Variants in INMT observed in about 807,000 individuals in gnomAD.
The protein encoded by INMT is indolethylamine N-methyltransferase, also known as amine N-methyltransferase.
In INMT, 11 loss-of-function variants were observed where a neutral mutation model predicts 11.5. That is an observed-to-expected ratio of 0.95 (90% CI 0.60 to 1.58). INMT has a LOEUF of 1.58. INMT is among the 40% of genes most tolerant of loss of function. INMT has a pLI of 0.00. For missense variants in INMT, 316 were observed against 336.1 expected, an observed-to-expected ratio of 0.94 and a Z score of 0.47; for synonymous variants, 155 against 142.9, an observed-to-expected ratio of 1.08 and a Z score of -0.60.
chr7:30,755,277 A>C, intron 2 of INMT, 145 bp from the exon 3 acceptor site: 1 of 683,710 alleles, frequency 1.5e-6, no homozygotes, highest in Non-Finnish European at 2.4e-6. Context: ...AGATTGAAGA[A>C]GAGCCTGCTG....
In INMT at chr7:30,752,149, C is replaced by T; in HGVS notation, c.-2C>T. The T allele has an allele frequency of 6.2e-7, 1 of 1,613,874 alleles. No individual in the cohort carries two copies. Among genetic ancestry groups the T allele is most frequent in the South Asian group, 1.1e-5 (1 of 91,074 alleles). On this transcript the variant is annotated 5_prime_UTR_variant, in exon 1 of 3. Transcript: ENST00000013222. ...AAGGAGGGGGCACATTTCAGGGACA[C>T]CATGAAGGGTGGCTTCACTGGGGGT...
intron 1 of INMT, among the ~76,000 whole-genome samples, chr7:30,752,800 C>T (rs887941683): frequency 6.6e-6 from 1 of 152,178 alleles, no homozygotes; most frequent in Non-Finnish European, 1.5e-5. Flanking sequence ...GCAAGGGGCT[C>T]AGACCCCAAG....
chr7:30,754,449 T>A lies in INMT; in HGVS notation c.362+511T>A, dbSNP rs958214063. On this transcript the variant is annotated intron_variant, in intron 2 of 2. Coordinates refer to ENST00000013222, the MANE Select transcript of INMT (RefSeq NM_006774.5). The surrounding 1 kb of genome is among the most constrained non-coding windows in gnomAD (Gnocchi z 4.9). ...CGTCCATTCATCCATCCATCAATATTCATCCATCCACCCACCCATCCATTC... is the reference window on the plus strand; with the variant it reads ...CGTCCATTCATCCATCCATCAATATACATCCATCCACCCACCCATCCATTC... 4.7e-5 allele frequency among the ~76,000 whole-genome samples: 7 copies of A among 148,548 alleles called. No individual in the cohort carries two copies. The highest frequency in any genetic ancestry group is 1.8e-4 in the African/African-American group (7 of 39,900).
chr7:30,752,644 C>A (rs966964704), intron 1 of INMT, among the ~76,000 whole-genome samples: 2 of 152,166 alleles, frequency 1.3e-5, no homozygotes, highest in African/African-American at 4.8e-5. Flanking sequence ...GCCTCTGGGG[C>A]CCCCAGAAGG....
rs1284904998 is a variant in INMT, at chr7:30,755,670, A to T, written c.611A>T (p.Tyr204Phe). 1.2e-6 allele frequency: 2 copies of T among 1,614,172 alleles called. No homozygotes were observed. Among genetic ancestry groups the T allele is most frequent in the Non-Finnish European group, 1.7e-6 (2 of 1,180,026 alleles). Residue 204 changes from tyrosine to phenylalanine, a missense_variant, in exon 3 of 3, where the codon TAC becomes TTC. Transcript: ENST00000013222. ...ACTGTCACGCTTCGGCTCCCGTCCT[A>T]CATGGTGGGGAAGCGTGAATTTTCC... ...VTTVTLRLPSYMVGKREFSCV... is the reference protein window; with the variant it reads ...VTTVTLRLPSFMVGKREFSCV...
intron 1 of INMT, 102 bp from the exon 2 acceptor site, chr7:30,753,629 C>T (rs1223805569): frequency 2.8e-5 from 29 of 1,021,882 alleles, no homozygotes; most frequent in Non-Finnish European, 2.1e-5. Flanking sequence ...CCACCAAGCA[C>T]GTTTGCCCCT....
rs1419907202 is a variant in INMT, at chr7:30,753,705, C to G, written c.155-26C>G. 5 of 1,603,048 alleles carry G rather than the reference C, an allele frequency of 3.1e-6. No individual in the cohort carries two copies. In the African/African-American group the frequency reaches 5.4e-5, roughly 17 times the overall value. On this transcript the variant is annotated intron_variant, in intron 1 of 2. Transcript: ENST00000013222. The stretch of plus-strand genomic sequence containing the variant: ...CTTGGGTCTCGTTTCTTTTACCCAT[C>G]CATTACCAGTCTTTCCCTCCCACAG...
rs146202730 is a variant in INMT, at chr7:30,755,528, G to A, written c.469G>A (p.Ala157Thr). Residue 157 changes from alanine to threonine, a missense_variant, in exon 3 of 3, where the codon GCC becomes ACC. Ala to Thr is a moderately conservative substitution (Grantham distance 58, BLOSUM62 0). Coordinates refer to ENST00000013222, the MANE Select transcript of INMT (RefSeq NM_006774.5). ...NPLAPAVLPL[A>T]DCVLTLLAME... ...GCTGGCCCCGGCTGTGTTGCCTCTC[G>A]CCGACTGTGTGCTCACCCTGCTGGC... 249 of 1,610,322 alleles carry A rather than the reference G, an allele frequency of 1.5e-4. No homozygotes were observed. In the African/African-American group the frequency reaches 1.8e-3, roughly 12 times the overall value.
Position 30,756,105 on chromosome 7 carries a change from A to C in INMT, c.*254A>C. ...TTACAGCTATCTTAGATGCGATCTGACTCCTGTGTGACTGTGGAGCACCCA... is the reference window on the plus strand; with the variant it reads ...TTACAGCTATCTTAGATGCGATCTGCCTCCTGTGTGACTGTGGAGCACCCA... On this transcript the variant is annotated 3_prime_UTR_variant, in exon 3 of 3. Transcript: ENST00000013222. The C allele has an allele frequency of 7.9e-7, 1 of 1,273,292 alleles. No individual in the cohort carries two copies. The allele number at this position is 1,273,292 out of a possible 1,614,324, so 78.9% of individuals were successfully genotyped here.
rs1284904998 is a variant in INMT at position 30,755,670 on chromosome 7, A to G, written c.611A>G (p.Tyr204Cys). 1.9e-6 allele frequency: 3 copies of G among 1,614,172 alleles called. No homozygotes were observed. In the Admixed American group the frequency reaches 5.0e-5, roughly 27 times the overall value. The change falls in exon 3 of 3, where the codon TAC (tyrosine) becomes TGC (cysteine). Residue 204 changes from tyrosine to cysteine, a missense_variant. Physicochemically the swap from Tyr to Cys is radical, Grantham distance 194. Coordinates refer to ENST00000013222, the MANE Select transcript of INMT (RefSeq NM_006774.5). Reference protein sequence around the residue: ...VTTVTLRLPSYMVGKREFSCV... With the variant: ...VTTVTLRLPSCMVGKREFSCV... ...ACTGTCACGCTTCGGCTCCCGTCCT[A>G]CATGGTGGGGAAGCGTGAATTTTCC... is the stretch of plus-strand genomic sequence containing the variant.
At position 30,755,923 on chromosome 7, in the gene INMT, G is replaced by C; in HGVS notation, c.*72G>C. On this transcript the variant is annotated 3_prime_UTR_variant, in exon 3 of 3. Coordinates refer to ENST00000013222, the MANE Select transcript of INMT (RefSeq NM_006774.5). ...CATCTGTATGCTAGAGAGGGGTGAG[G>C]AATGGATACTGTCTAACAGTCTCTG... 1 of 1,522,396 alleles carries C rather than the reference G, an allele frequency of 6.6e-7. No individual in the cohort carries two copies. Among genetic ancestry groups the C allele is most frequent in the East Asian group, 2.3e-5 (1 of 44,054 alleles). 94.3% of individuals were successfully genotyped at this position (1,522,396 alleles called of 1,614,324 possible).
rs754680856 is a variant in INMT at position 30,755,532 on chromosome 7, A to G, written c.473A>G (p.Asp158Gly). 6.2e-7 allele frequency: 1 copy of G among 1,611,406 alleles called. No homozygotes were observed. Among genetic ancestry groups the G allele is most frequent in the Non-Finnish European group, 8.5e-7 (1 of 1,180,022 alleles). ...PLAPAVLPLA[D>G]CVLTLLAMEC... ...GCCCCGGCTGTGTTGCCTCTCGCCG[A>G]CTGTGTGCTCACCCTGCTGGCCATG... Residue 158 changes from aspartate to glycine, a missense_variant, in exon 3 of 3, where the codon GAC becomes GGC. By Grantham distance (94) the Asp-to-Gly change is moderately conservative. Transcript: ENST00000013222.
rs867565600 is a variant in INMT, at chr7:30,755,507, G to A, written c.448G>A (p.Ala150Thr). The A allele has an allele frequency of 6.2e-7, 1 of 1,606,782 alleles. No individual in the cohort carries two copies. Residue 150 changes from alanine to threonine, a missense_variant, in exon 3 of 3, where the codon GCC becomes ACC. By Grantham distance (58) the Ala-to-Thr change is moderately conservative. Coordinates refer to ENST00000013222, the MANE Select transcript of INMT (RefSeq NM_006774.5). The part of the protein sequence containing the change: ...KCDVHLGNPL[A>T]PAVLPLADCV... ...CGATGTCCACCTGGGCAACCCGCTG[G>A]CCCCGGCTGTGTTGCCTCTCGCCGA... is the stretch of plus-strand genomic sequence containing the variant.
rs759141767 is a variant in INMT, at chr7:30,755,694, C to T, written c.635C>T (p.Ser212Phe). The T allele has an allele frequency of 6.2e-7, 1 of 1,614,196 alleles. No individual in the cohort carries two copies. The highest frequency in any genetic ancestry group is 1.1e-5 in the South Asian group (1 of 91,080). Reference sequence around the variant, plus strand: ...TACATGGTGGGGAAGCGTGAATTTTCCTGCGTGGCCCTGGAGAAAGAGGAG... The same window carrying T: ...TACATGGTGGGGAAGCGTGAATTTTTCTGCGTGGCCCTGGAGAAAGAGGAG... The part of the protein sequence containing the change: ...PSYMVGKREF[S>F]CVALEKEEVE... Residue 212 changes from serine (S) to phenylalanine (F), a missense_variant, in exon 3 of 3, where the codon TCC becomes TTC. Physicochemically the swap from Ser to Phe is radical, Grantham distance 155. Transcript: ENST00000013222.
intron 2 of INMT, 100 bp from the exon 3 acceptor site, chr7:30,755,322 T>A (rs1237575451): frequency 9.2e-7 from 1 of 1,091,404 alleles, no homozygotes; most frequent in African/African-American, 1.6e-5. Flanking sequence ...CAGCAATCCT[T>A]TGGGGATCCA....
intron 1 of INMT, 120 bp downstream of exon 1, chr7:30,752,424 G>T: frequency 1.3e-6 from 1 of 746,612 alleles, no homozygotes; most frequent in African/African-American, 1.9e-5. Context: ...TGGGCTGGGG[G>T]AGCTTCTGGG....
chr7:30,752,400 G>T (rs576848064), intron 1 of INMT, 96 bp downstream of exon 1: 1 of 1,007,628 alleles, frequency 9.9e-7, no homozygotes, highest in Admixed American at 2.1e-5. Context: ...GTCTCCTCTA[G>T]GGGTTTTTGG....
At position 30,752,199 on chromosome 7, in the gene INMT, C is replaced by A. The variant is rs867912295; in HGVS notation, c.49C>A (p.Pro17Thr). 1.9e-6 allele frequency: 3 copies of A among 1,613,934 alleles called. No individual in the cohort carries two copies. The East Asian group carries it at 6.7e-5, about 36-fold the overall frequency. Reference sequence around the variant, plus strand: ...TGATGAGTACCAGAAGCACTTCCTGCCCAGGGACTACTTGGCTACTTACTA... The same window carrying A: ...TGATGAGTACCAGAAGCACTTCCTGACCAGGGACTACTTGGCTACTTACTA... ...GGDEYQKHFL[P>T]RDYLATYYSF... is the part of the protein sequence containing the mutation. The change falls in exon 1 of 3, where the codon CCC becomes ACC. Residue 17 changes from proline to threonine, a missense_variant. Coordinates refer to ENST00000013222, the MANE Select transcript of INMT (RefSeq NM_006774.5).
rs1233947734 is a variant in INMT, at chr7:30,755,632, C to G, written c.573C>G (p.Gly191=). ...TTGCCTCACTGCTCAAGCCGGGTGG[C>G]CACCTGGTGACCACTGTCACGCTTC... ...CNLASLLKPG[G]HLVTTVTLRL... Residue 191 remains glycine (G), a synonymous_variant, in exon 3 of 3, where the codon GGC becomes GGG. Transcript: ENST00000013222. 6.2e-7 allele frequency: 1 copy of G among 1,614,124 alleles called. No homozygotes were observed. The highest frequency in any genetic ancestry group is 8.5e-7 in the Non-Finnish European group (1 of 1,180,054).
Sources: allele counts gnomAD v4.1 joint callset (sites outside exome capture counted in the v4.1 genomes callset), GRCh38; gene constraint gnomAD v4.1.1; non-coding constraint Gnocchi (gnomAD v3.1); transcripts MANE v1.5; gene names NCBI Gene and HGNC (gene_info 2026-07-23, HGNC 2026-07-21).